Variants in CABLES1 observed in about 807,000 individuals in gnomAD.
CABLES1 encodes Cdk5 and Abl enzyme substrate 1.
CABLES1 carries 36 observed loss-of-function variants against 57.8 expected under a neutral mutation model. That is an observed-to-expected ratio of 0.62 (90% confidence interval 0.48 to 0.82). CABLES1 has a LOEUF of 0.82. CABLES1 is among the 40% of genes least tolerant of loss of function. The pLI, the probability that CABLES1 is intolerant of heterozygous loss-of-function variation, is 0.00. For missense variants in CABLES1, 767 were observed against 836.6 expected (o/e 0.92, Z 1.03); for synonymous variants, 374 against 363.0 (o/e 1.03, Z -0.35).
At chr18:23,134,954 T>C (rs930321430), upstream of CABLES1, among the ~76,000 whole-genome samples, 4 of 152,120 alleles carry the variant, frequency 2.6e-5, no homozygotes, top group East Asian at 1.9e-4. Context: ...ACAGTCTCCA[T>C]AGGGGCTGTG....
At chr18:23,189,625 C>CT (rs1488377766) in intron 2 of CABLES1, among the ~76,000 whole-genome samples, 2 of 152,206 alleles carry the variant, frequency 1.3e-5, no homozygotes, top group Non-Finnish European at 2.9e-5. Flanking sequence ...TTCCCGGGGA[C>CT]TGCAGGGCAG....
chr18:23,206,226 A>G (rs1420594244), intron 3 of CABLES1, among the ~76,000 whole-genome samples: 1 of 151,764 alleles, frequency 6.6e-6, no homozygotes, highest in Non-Finnish European at 1.5e-5. Context: ...GTGCTCCTCC[A>G]CACCATGGCT....
At chr18:23,152,775 A>G (rs868579553) in intron 1 of CABLES1, among the ~76,000 whole-genome samples, 92 of 151,954 alleles carry the variant, frequency 6.1e-4, no homozygotes, top group Middle Eastern at 6.8e-3. Flanking sequence ...TCGAGCCACC[A>G]TGCCAGGCCT....
rs1230844350 is a variant in CABLES1, at chr18:23,136,027, G to A, written c.265G>A (p.Glu89Lys). Residue 89 changes from glutamate (E) to lysine (K), a missense_variant, in exon 1 of 10, where the codon GAG becomes AAG. By Grantham distance (56) the Glu-to-Lys change is moderately conservative (BLOSUM62 1). This residue lies in a region of CABLES1 where 198 missense variants were observed against 149.7 expected (regional missense o/e 1.32). Transcript: ENST00000256925. Reference sequence around the variant, plus strand: ...GCAGGACGCGGAGTGGGGCGGTGGCGAGGAGGGCGGCGCGGCCAAGCCGGG... The same window carrying A: ...GCAGGACGCGGAGTGGGGCGGTGGCAAGGAGGGCGGCGCGGCCAAGCCGGG... ...PPQDAEWGGGEEGGAAKPGAG... is the reference protein window; with the variant it reads ...PPQDAEWGGGKEGGAAKPGAG... 7.0e-6 allele frequency: 8 copies of A among 1,137,526 alleles called. No individual in the cohort carries two copies. The highest frequency in any genetic ancestry group is 4.6e-5 in the East Asian group (1 of 21,786). The allele number at this position is 1,137,526 out of a possible 1,614,324, so 70.5% of individuals were successfully genotyped here.
At chr18:23,138,652 G>T (rs1298906963) in intron 1 of CABLES1, among the ~76,000 whole-genome samples, 1 of 152,212 alleles carries the variant, frequency 6.6e-6, no homozygotes, top group Non-Finnish European at 1.5e-5. Flanking sequence ...ACTTGCACCT[G>T]CCTAGTTGAA....
At chr18:23,181,450 C>G (rs2145005109) in intron 1 of CABLES1, among the ~76,000 whole-genome samples, 1 of 121,256 alleles carries the variant, frequency 8.2e-6, no homozygotes, top group Non-Finnish European at 1.6e-5. Flanking sequence ...AAGCCAAGAT[C>G]ACACCATTGC....
At chr18:23,215,897 G>T (rs1212603804) in intron 4 of CABLES1, among the ~76,000 whole-genome samples, 1 of 152,094 alleles carries the variant, frequency 6.6e-6, no homozygotes, top group Admixed American at 6.5e-5. Context: ...GGGACTGCAG[G>T]CGCCTGCCAC....
chr18:23,251,522 G>A (rs774368318), intron 7 of CABLES1, among the ~76,000 whole-genome samples: 13 of 152,144 alleles, frequency 8.5e-5, no homozygotes, highest in Non-Finnish European at 1.9e-4. Flanking sequence ...ATACTCTCGA[G>A]GAGGGATGAG....
chr18:23,158,264 T>G (rs950948385), intron 1 of CABLES1, among the ~76,000 whole-genome samples: 1 of 152,168 alleles, frequency 6.6e-6, no homozygotes. Flanking sequence ...TTTGCATCAC[T>G]GCATTCCACC....
At chr18:23,177,693 A>AATT (rs1237303115) in intron 1 of CABLES1, among the ~76,000 whole-genome samples, 13 of 151,862 alleles carry the variant, frequency 8.6e-5, no homozygotes, top group African/African-American at 2.9e-4. Flanking sequence ...GGCTCTGGGA[A>AATT]GGTGCATGTA....
At chr18:23,193,605 G>A (rs1020049491) in intron 2 of CABLES1, among the ~76,000 whole-genome samples, 1 of 152,120 alleles carries the variant, frequency 6.6e-6, no homozygotes, top group Non-Finnish European at 1.5e-5. Context: ...ACCCAAAATC[G>A]AAAAGTCACA....
In CABLES1 at chr18:23,218,588, C is replaced by G. The variant is rs377040621; in HGVS notation, c.1088+4534C>G. ...GCCTCCCGCATCCTCACTTGCCCTGCCTCCCGCATCCTCACTTGCCCTGGC... is the reference window on the plus strand; with the variant it reads ...GCCTCCCGCATCCTCACTTGCCCTGGCTCCCGCATCCTCACTTGCCCTGGC... On this transcript the variant is annotated intron_variant, in intron 4 of 9. Transcript: ENST00000256925. 6.2e-3 allele frequency among the ~76,000 whole-genome samples: 391 copies of G among 62,602 alleles called. 2 individuals are homozygous for G. The highest frequency in any genetic ancestry group is 0.037 in the East Asian group (55 of 1,498). 41.1% of individuals were successfully genotyped at this position (62,602 alleles called of 152,430 possible).
intron 7 of CABLES1, among the ~76,000 whole-genome samples, chr18:23,252,188 G>A (rs934262311): frequency 2.0e-5 from 3 of 152,322 alleles, no homozygotes; most frequent in Admixed American, 1.3e-4. Flanking sequence ...GACATAAAGT[G>A]GAGTAGTGGT....
At chr18:23,256,561 A>G (rs920302030) in intron 9 of CABLES1, among the ~76,000 whole-genome samples, 18 of 151,684 alleles carry the variant, frequency 1.2e-4, no homozygotes, top group African/African-American at 4.1e-4. Flanking sequence ...ACTCACTGCA[A>G]CCTCCACCTC....
intron 1 of CABLES1, among the ~76,000 whole-genome samples, chr18:23,174,757 C>CCT (rs2144995479): frequency 7.1e-6 from 1 of 139,954 alleles, no homozygotes; most frequent in Admixed American, 9.4e-5. Flanking sequence ...CAGGTGTGAG[C>CCT]CCACCGCGCC....
intron 1 of CABLES1, among the ~76,000 whole-genome samples, chr18:23,178,660 A>G (rs540829808): frequency 2.6e-5 from 4 of 152,228 alleles, no homozygotes; most frequent in East Asian, 1.9e-4. Flanking sequence ...AGACTGGGAG[A>G]TCTTTGGGGA....
At chr18:23,165,196 A>AGGAGTTTGAAGCT (rs1439597271) in intron 1 of CABLES1, among the ~76,000 whole-genome samples, 1 of 152,076 alleles carries the variant, frequency 6.6e-6, no homozygotes. Flanking sequence ...CCTGGACTCC[A>AGGAGTTTGAAGCT]GCAATCCTCC....
At chr18:23,171,880 T>G (rs1481822622) in intron 1 of CABLES1, among the ~76,000 whole-genome samples, 1 of 152,216 alleles carries the variant, frequency 6.6e-6, no homozygotes, top group Non-Finnish European at 1.5e-5. Flanking sequence ...AGGGTTAACC[T>G]TTCTGAGCTA....
intron 1 of CABLES1, among the ~76,000 whole-genome samples, chr18:23,181,196 C>T (rs897633500): frequency 2.0e-5 from 3 of 152,048 alleles, no homozygotes; most frequent in Admixed American, 6.6e-5. Context: ...TTAAAGAAAG[C>T]GGCCCTAGGC....
Sources: gnomAD v4.1 joint callset for allele counts (sites outside exome capture counted in the v4.1 genomes callset) on GRCh38, gnomAD v4.1.1 for gene constraint, gnomAD v4.1.1 regional missense constraint, MANE v1.5 for transcripts, NCBI Gene and HGNC (gene_info 2026-07-23, HGNC 2026-07-21) for gene names.